The following ADAMTS17 variants were observed in gnomAD, a reference collection of about 807,000 sequenced individuals.
ADAMTS17 encodes ADAM metallopeptidase with thrombospondin type 1 motif 17, also known as A disintegrin and metalloproteinase with thrombospondin motifs 17.
ADAMTS17 carries 113 observed loss-of-function variants against 141.5 expected under a neutral mutation model. The ratio of observed to expected loss-of-function variants is 0.80; its 90% CI spans 0.69 to 0.93. ADAMTS17 has a LOEUF of 0.93. ADAMTS17 is among the 40% of genes least tolerant of loss of function. ADAMTS17 has a pLI of 0.00. For synonymous variants in ADAMTS17, 768 were observed against 630.6 expected (o/e 1.22, Z -3.27); for missense variants, 1,659 against 1,517.9 (o/e 1.09, Z -1.54).
intron 7 of ADAMTS17, among the ~76,000 whole-genome samples, chr15:100,201,988 C>A (rs1249596071): frequency 2.6e-5 from 4 of 152,206 alleles, no homozygotes; most frequent in African/African-American, 9.7e-5. Flanking sequence ...CTGGCTGCAG[C>A]CCCTCTGGGT....
intron 6 of ADAMTS17, 84 bp downstream of exon 6, chr15:100,261,395 T>C: frequency 6.3e-7 from 1 of 1,593,850 alleles, no homozygotes; most frequent in Non-Finnish European, 8.6e-7. Context: ...CAAGCCTGAG[T>C]TCTTAACAAC....
chr15:100,297,504 G>A (rs1468534468), intron 3 of ADAMTS17, among the ~76,000 whole-genome samples: 1 of 152,142 alleles, frequency 6.6e-6, no homozygotes, highest in Non-Finnish European at 1.5e-5. Flanking sequence ...ATTCAGGAGG[G>A]ACTTCGAAGA....
At chr15:100,054,780 T>A (rs1596310260) in intron 15 of ADAMTS17, among the ~76,000 whole-genome samples, 1 of 152,100 alleles carries the variant, frequency 6.6e-6, no homozygotes. Flanking sequence ...CTCACCCACA[T>A]CTCTACCAGG....
At chr15:100,179,755 T>C (rs12442132) in intron 8 of ADAMTS17, among the ~76,000 whole-genome samples, 14,663 of 152,276 alleles carry the variant, frequency 0.096, 877 homozygotes, top group South Asian at 0.18. Context: ...GGTGAGATGA[T>C]ATCTCATGGT....
chr15:100,131,215 C>T (rs1045989791), intron 12 of ADAMTS17, among the ~76,000 whole-genome samples: 8 of 145,118 alleles, frequency 5.5e-5, no homozygotes, highest in African/African-American at 9.9e-5. Flanking sequence ...CGGGGCCTGT[C>T]GAGGGGGTTG....
At position 99,974,510 on chromosome 15, in the gene ADAMTS17, G is replaced by A. The variant is rs2060279245; in HGVS notation, c.3180C>T (p.Val1060=). Residue 1060 remains valine (V), a synonymous_variant, in exon 22 of 22, where the codon GTC becomes GTT. Transcript: ENST00000268070. ...CCTGGCAGAGGTTCTTTTCTCGGAT[G>A]ACCCGGCAATATACCGTCCACTGGT... ...TRDQWTVYCR[V]IREKNLCQDM... 1.2e-6 allele frequency: 2 copies of A among 1,614,122 alleles called. No individual in the cohort carries two copies. Among genetic ancestry groups the A allele is most frequent in the East Asian group, 2.2e-5 (1 of 44,898 alleles).
chr15:100,146,807 G>A (rs2038929113), intron 10 of ADAMTS17, among the ~76,000 whole-genome samples: 2 of 48,740 alleles, frequency 4.1e-5, no homozygotes, highest in East Asian at 1.2e-3. Context: ...GGGTGTGGTT[G>A]TCTCTTATGG....
intron 12 of ADAMTS17, among the ~76,000 whole-genome samples, chr15:100,118,418 C>G (rs2037275655): frequency 6.6e-6 from 1 of 152,224 alleles, no homozygotes; most frequent in South Asian, 2.1e-4. Context: ...TTCCCTCCCC[C>G]AGGAGAAGAA....
intron 2 of ADAMTS17, among the ~76,000 whole-genome samples, chr15:100,332,733 T>G (rs2046093280): frequency 6.6e-6 from 1 of 152,212 alleles, no homozygotes; most frequent in Admixed American, 6.5e-5. Context: ...AGGGAAGGTT[T>G]TTCTTTACAA....
In ADAMTS17 at chr15:99,993,022, G is replaced by T; in HGVS notation, c.2949+26C>A. On this transcript the variant is annotated intron_variant, in intron 20 of 21. Coordinates refer to ENST00000268070, the MANE Select transcript of ADAMTS17 (RefSeq NM_139057.4). The surrounding 1 kb of genome is among the most constrained non-coding windows in gnomAD (Gnocchi z 4.3). ...CGAGCCCCCTGCACTGCGGCACGGAGAGAAATGCCAGCAGGCTGCTCTCAC... is the reference window on the plus strand; with the variant it reads ...CGAGCCCCCTGCACTGCGGCACGGATAGAAATGCCAGCAGGCTGCTCTCAC... 1 of 1,613,906 alleles carries T rather than the reference G, an allele frequency of 6.2e-7. No individual in the cohort carries two copies. Among genetic ancestry groups the T allele is most frequent in the South Asian group, 1.1e-5 (1 of 91,066 alleles).
At chr15:100,148,416 T>C (rs1328567810) in intron 10 of ADAMTS17, among the ~76,000 whole-genome samples, 3 of 152,196 alleles carry the variant, frequency 2.0e-5, no homozygotes, top group Non-Finnish European at 4.4e-5. Flanking sequence ...TTTCTTATAA[T>C]GTGGGCCTCT....
At chr15:100,135,130 C>G (rs948658592) in intron 10 of ADAMTS17, among the ~76,000 whole-genome samples, 2 of 151,986 alleles carry the variant, frequency 1.3e-5, no homozygotes, top group Non-Finnish European at 2.9e-5. Context: ...GTCAACTGTT[C>G]GTTATGGATT....
chr15:100,174,642 G>A (rs2040273517), intron 8 of ADAMTS17, among the ~76,000 whole-genome samples: 1 of 152,116 alleles, frequency 6.6e-6, no homozygotes, highest in African/African-American at 2.4e-5. Flanking sequence ...AGTAATCACT[G>A]CTGCTCAACC....
chr15:100,081,478 GCA>G (rs2034733129), intron 15 of ADAMTS17, among the ~76,000 whole-genome samples: 1 of 151,982 alleles, frequency 6.6e-6, no homozygotes, highest in African/African-American at 2.4e-5. Context: ...TCATTCAATC[GCA>G]CACTTTAAAT....
chr15:100,196,436 T>G (rs1255257831), intron 8 of ADAMTS17, among the ~76,000 whole-genome samples: 1 of 152,216 alleles, frequency 6.6e-6, no homozygotes, highest in Non-Finnish European at 1.5e-5. Flanking sequence ...AAGTGGAATT[T>G]TTTTCCTGAC....
intron 6 of ADAMTS17, among the ~76,000 whole-genome samples, chr15:100,258,475 C>G (rs4396514): frequency 0.34 from 51,478 of 151,986 alleles, 9,060 homozygotes; most frequent in East Asian, 0.49. Flanking sequence ...AGGTTTAATG[C>G]ACTTATAGTT....
chr15:100,335,084 C>T (rs2046168662), intron 2 of ADAMTS17, among the ~76,000 whole-genome samples: 2 of 152,088 alleles, frequency 1.3e-5, no homozygotes, highest in Non-Finnish European at 2.9e-5. Flanking sequence ...TCAGCACCCC[C>T]GGGGGAACTT....
At chr15:100,028,683 G>T (rs1331126057) in intron 18 of ADAMTS17, among the ~76,000 whole-genome samples, 1 of 152,212 alleles carries the variant, frequency 6.6e-6, no homozygotes, top group African/African-American at 2.4e-5. Context: ...CCTGCTGCAG[G>T]TCCCCTGCTG....
chr15:100,200,211 G>A (rs1567340086), intron 7 of ADAMTS17, among the ~76,000 whole-genome samples: 1 of 152,346 alleles, frequency 6.6e-6, no homozygotes, highest in East Asian at 1.9e-4. Context: ...ATGCAGGGCA[G>A]TGGAGGCCGC....
Sources: gnomAD v4.1 joint callset for allele counts (sites outside exome capture counted in the v4.1 genomes callset) on GRCh38, gnomAD v4.1.1 for gene constraint, Gnocchi (gnomAD v3.1) non-coding constraint, MANE v1.5 for transcripts, NCBI Gene and HGNC (gene_info 2026-07-23, HGNC 2026-07-21) for gene names.